Variants in SGCZ observed in about 807,000 individuals in gnomAD.
SGCZ encodes the protein zeta-sarcoglycan.
SGCZ carries 40 observed loss-of-function variants against 41.3 expected under a neutral mutation model. The observed-to-expected ratio is 0.97, with a 90% CI of 0.75 to 1.26. The LOEUF is 1.26. Ranked by LOEUF, SGCZ falls within the 50% of genes most tolerant of loss-of-function variation. SGCZ has a pLI of 0.00. For synonymous variants in SGCZ, 206 were observed against 137.5 expected, an observed-to-expected ratio of 1.50 and a Z score of -3.49; for missense variants, 552 against 369.8, an observed-to-expected ratio of 1.49 and a Z score of -4.04.
chr8:14,374,903 A>G (rs1011958922), intron 2 of SGCZ, among the ~76,000 whole-genome samples: 6 of 152,188 alleles, frequency 3.9e-5, no homozygotes, highest in Non-Finnish European at 5.9e-5. Context: ...TTTCAGAATG[A>G]GAGGGAGATA....
At chr8:14,390,804 T>C (rs1050601590) in intron 2 of SGCZ, among the ~76,000 whole-genome samples, 1 of 152,084 alleles carries the variant, frequency 6.6e-6, no homozygotes, top group Non-Finnish European at 1.5e-5. Context: ...AGCAATATTC[T>C]AAAGCGTGTA....
intron 1 of SGCZ, among the ~76,000 whole-genome samples, chr8:15,118,689 T>C (rs562989952): frequency 7.9e-5 from 12 of 152,182 alleles, no homozygotes; most frequent in African/African-American, 2.2e-4. Context: ...TAGACTATAA[T>C]GAGAATTAAA....
intron 1 of SGCZ, among the ~76,000 whole-genome samples, chr8:15,182,637 T>C (rs994154598): frequency 4.6e-5 from 7 of 152,182 alleles, no homozygotes; most frequent in Non-Finnish European, 8.8e-5. Flanking sequence ...GATTAGAAGT[T>C]GCCCTGGGTG....
At chr8:14,181,404 A>G (rs1419220708) in intron 4 of SGCZ, among the ~76,000 whole-genome samples, 1 of 152,230 alleles carries the variant, frequency 6.6e-6, no homozygotes, top group East Asian at 1.9e-4. Flanking sequence ...AAGAAATAGT[A>G]ATACAACTCA....
chr8:14,607,892 A>G (rs1347166294), intron 1 of SGCZ, among the ~76,000 whole-genome samples: 1 of 152,232 alleles, frequency 6.6e-6, no homozygotes, highest in East Asian at 1.9e-4. Context: ...ACTCAAAAAC[A>G]ATTTTTAAAA....
chr8:14,992,034 C>A (rs187429192), intron 1 of SGCZ, among the ~76,000 whole-genome samples: 1 of 150,784 alleles, frequency 6.6e-6, no homozygotes. Flanking sequence ...AATCTACTCC[C>A]AAATCTACTC....
chr8:14,165,973 A>T (rs1004058891), intron 4 of SGCZ, among the ~76,000 whole-genome samples: 1 of 152,156 alleles, frequency 6.6e-6, no homozygotes, highest in Non-Finnish European at 1.5e-5. Context: ...CCCCATCATC[A>T]TAGCTGCTGA....
intron 1 of SGCZ, among the ~76,000 whole-genome samples, chr8:14,833,755 CA>C (rs1490452281): frequency 4.6e-5 from 7 of 150,962 alleles, no homozygotes; most frequent in Non-Finnish European, 1.0e-4. Context: ...GAGGAAACTT[CA>C]AAGAAGAAAG....
chr8:14,309,407 T>G, intron 3 of SGCZ: 1 of 1,606,606 alleles, frequency 6.2e-7, no homozygotes, highest in Non-Finnish European at 8.5e-7. Context: ...CGATCGCTTT[T>G]GGCTAGAGAC....
At chr8:14,257,045 T>G (rs1489113072) in intron 3 of SGCZ, among the ~76,000 whole-genome samples, 1 of 152,090 alleles carries the variant, frequency 6.6e-6, no homozygotes, top group Non-Finnish European at 1.5e-5. Context: ...TTGAACAGGT[T>G]TCTGGCCAGG....
intron 1 of SGCZ, among the ~76,000 whole-genome samples, chr8:14,594,166 C>G (rs978889794): frequency 6.9e-6 from 1 of 145,746 alleles, no homozygotes; most frequent in African/African-American, 2.5e-5. Context: ...CAGAGCAAGA[C>G]TCCATCTCAA....
intron 1 of SGCZ, among the ~76,000 whole-genome samples, chr8:14,875,225 C>A (rs1804306961): frequency 6.6e-6 from 1 of 152,152 alleles, no homozygotes; most frequent in Admixed American, 6.6e-5. Context: ...GATATGTCCT[C>A]ACATGACAGA....
At chr8:14,261,719 C>T (rs1301720983) in intron 3 of SGCZ, among the ~76,000 whole-genome samples, 1 of 152,144 alleles carries the variant, frequency 6.6e-6, no homozygotes. Context: ...TCAAACCATT[C>T]TCACGCTGAA....
intron 1 of SGCZ, among the ~76,000 whole-genome samples, chr8:15,195,921 G>A (rs1413396786): frequency 1.8e-5 from 2 of 113,140 alleles, no homozygotes; most frequent in Non-Finnish European, 3.6e-5. Context: ...TTTTTGAGAC[G>A]GAGTCTCGCT....
intron 1 of SGCZ, among the ~76,000 whole-genome samples, chr8:15,025,945 C>T (rs997294696): frequency 3.9e-5 from 6 of 151,948 alleles, no homozygotes; most frequent in African/African-American, 1.2e-4. Flanking sequence ...CCTGTTGTTT[C>T]GAACCACACA....
chr8:14,748,559 T>C (rs1035710469), intron 1 of SGCZ, among the ~76,000 whole-genome samples: 10 of 152,110 alleles, frequency 6.6e-5, no homozygotes, highest in African/African-American at 2.4e-4. Flanking sequence ...CAGAAATGCA[T>C]TGGAATATTT....
At chr8:14,551,588 TA>T (rs1464458684) in intron 2 of SGCZ, among the ~76,000 whole-genome samples, 2 of 44,422 alleles carry the variant, frequency 4.5e-5, no homozygotes, top group East Asian at 9.1e-4. Flanking sequence ...ATAATATATA[TA>T]ATATATATTA....
intron 2 of SGCZ, among the ~76,000 whole-genome samples, chr8:14,386,851 A>G (rs1163062050): frequency 6.6e-6 from 1 of 152,198 alleles, no homozygotes; most frequent in Admixed American, 6.5e-5. Flanking sequence ...AAATTCTATA[A>G]TGGTATTTTG....
At chr8:15,231,016 C>T (rs1381168552) in intron 1 of SGCZ, among the ~76,000 whole-genome samples, 5 of 152,154 alleles carry the variant, frequency 3.3e-5, no homozygotes, top group African/African-American at 1.2e-4. Flanking sequence ...AGATCAGCAC[C>T]TTTTCCACTG....
Sources: allele counts gnomAD v4.1 joint callset (sites outside exome capture counted in the v4.1 genomes callset), GRCh38; gene constraint gnomAD v4.1.1; transcripts MANE v1.5; gene names NCBI Gene and HGNC (gene_info 2026-07-23, HGNC 2026-07-21).